Variants in PP2D1 observed in about 807,000 individuals in gnomAD.
PP2D1 encodes the protein protein phosphatase 2C like domain containing 1.
PP2D1 carries 25 observed loss-of-function variants against 30.2 expected under a neutral mutation model. The ratio of observed to expected loss-of-function variants is 0.83; its 90% confidence interval spans 0.60 to 1.16. PP2D1 has a LOEUF of 1.16. Among genes scored for constraint, PP2D1 ranks in the 50% most tolerant of loss-of-function variants. The pLI is 0.00. For missense variants in PP2D1, 760 were observed against 742.4 expected, an observed-to-expected ratio of 1.02 and a Z score of -0.28; for synonymous variants, 260 against 258.9, an observed-to-expected ratio of 1.00 and a Z score of -0.04.
intron 2 of PP2D1, among the ~76,000 whole-genome samples, chr3:19,989,256 C>T (rs1227139742): frequency 1.3e-5 from 2 of 152,218 alleles, no homozygotes; most frequent in South Asian, 2.1e-4. Flanking sequence ...TGTTTGAACC[C>T]GGGAGGCAGA....
At chr3:19,990,231 A>T (rs1425342607) in intron 2 of PP2D1, among the ~76,000 whole-genome samples, 1 of 151,660 alleles carries the variant, frequency 6.6e-6, no homozygotes, top group Non-Finnish European at 1.5e-5. Context: ...TGCAGCCTTG[A>T]CCTCCCTGGG....
chr3:20,000,216 A>G (rs1697234446), intron 2 of PP2D1, among the ~76,000 whole-genome samples: 1 of 152,104 alleles, frequency 6.6e-6, no homozygotes, highest in Non-Finnish European at 1.5e-5. Flanking sequence ...TTTAGCTTTA[A>G]TTTCTCATCT....
At chr3:19,989,663 CT>C (rs1459818679) in intron 2 of PP2D1, among the ~76,000 whole-genome samples, 2 of 152,122 alleles carry the variant, frequency 1.3e-5, no homozygotes, top group African/African-American at 4.8e-5. Flanking sequence ...AATGTGACAA[CT>C]GAGTAAATGG....
At chr3:19,986,211 T>A in intron 2 of PP2D1, 29 bp from the exon 3 acceptor site, 2 of 1,409,500 alleles carry the variant, frequency 1.4e-6, no homozygotes, top group Non-Finnish European at 1.9e-6. Flanking sequence ...AAAGAAGAAA[T>A]TTTTATCCTA....
Position 19,985,454 on chromosome 3 carries a change from G to T in PP2D1, c.1819C>A (p.Leu607Met). ...VSHELVNAALLAGSRDNITVM... is the reference protein window; with the variant it reads ...VSHELVNAALMAGSRDNITVM... ...GTAATGTTGTCTCTGGAGCCAGCCA[G>T]TAAAGCAGCATTTACAAGTTCATGG... Residue 607 changes from leucine (L) to methionine (M), a missense_variant, in exon 3 of 3, where the codon CTG becomes ATG. This residue lies in a region of PP2D1 where 369 missense variants were observed against 316.2 expected (regional missense o/e 1.17). Transcript: ENST00000389050. The T allele has an allele frequency of 6.5e-7, 1 of 1,536,092 alleles. No individual in the cohort carries two copies. The highest frequency in any genetic ancestry group is 8.7e-7 in the Non-Finnish European group (1 of 1,146,848).
At position 19,985,454 on chromosome 3, in the gene PP2D1, G is replaced by A; in HGVS notation, c.1819C>T (p.Leu607=). The change falls in exon 3 of 3, where the codon CTG becomes TTG. Residue 607 remains leucine (L), a synonymous_variant. Transcript: ENST00000389050. The stretch of plus-strand genomic sequence containing the variant: ...GTAATGTTGTCTCTGGAGCCAGCCA[G>A]TAAAGCAGCATTTACAAGTTCATGG... ...VSHELVNAAL[L]AGSRDNITVM... The A allele has an allele frequency of 6.5e-7, 1 of 1,536,092 alleles. No individual in the cohort carries two copies. Among genetic ancestry groups the A allele is most frequent in the East Asian group, 2.4e-5 (1 of 40,906 alleles).
In PP2D1 at chr3:20,012,041, A is replaced by C; in HGVS notation, c.23+9T>G. Reference sequence around the variant, plus strand: ...ACGTATTATCCAAAAAAGATTTAAGAAAGTTTACCTTAAAGCATTATTGGT... The same window carrying C: ...ACGTATTATCCAAAAAAGATTTAAGCAAGTTTACCTTAAAGCATTATTGGT... On this transcript the variant is annotated intron_variant, in intron 1 of 2. Coordinates refer to ENST00000389050, the MANE Select transcript of PP2D1 (RefSeq NM_001252657.2). 2 of 1,529,444 alleles carry C rather than the reference A, an allele frequency of 1.3e-6. No individual in the cohort carries two copies. Among genetic ancestry groups the C allele is most frequent in the Non-Finnish European group, 1.8e-6 (2 of 1,141,600 alleles). 94.7% of individuals were successfully genotyped at this position (1,529,444 alleles called of 1,614,324 possible).
rs1174683124 is a variant in PP2D1, at chr3:20,007,025, AC to A, written c.24-4930del. On this transcript the variant is annotated intron_variant, in intron 1 of 2. Coordinates refer to ENST00000389050, the MANE Select transcript of PP2D1 (RefSeq NM_001252657.2). ...CACACGTATACACACACACACACACACACACACGTATATATATTGTATTTTT... is the reference window on the plus strand; with the variant it reads ...CACACGTATACACACACACACACACAACACACGTATATATATTGTATTTTT... 2.6e-4 allele frequency among the ~76,000 whole-genome samples: 39 copies of A among 151,218 alleles called. 1 individual carries two copies. The South Asian group carries it at 7.1e-3, about 28-fold the overall frequency.
intron 1 of PP2D1, among the ~76,000 whole-genome samples, chr3:20,003,329 T>A (rs1697278632): frequency 6.6e-6 from 1 of 151,570 alleles, no homozygotes; most frequent in African/African-American, 2.4e-5. Context: ...GATGTGGAGA[T>A]GAAAGACAGT....
intron 2 of PP2D1, among the ~76,000 whole-genome samples, chr3:19,999,166 G>A (rs1174325200): frequency 5.7e-5 from 8 of 140,216 alleles, no homozygotes; most frequent in Admixed American, 4.4e-4. Context: ...TGCAACCTCC[G>A]CCTCCTGGGT....
At chr3:19,982,029 G>A (rs1696938445), downstream of PP2D1, among the ~76,000 whole-genome samples, 2 of 151,690 alleles carry the variant, frequency 1.3e-5, no homozygotes, top group African/African-American at 4.8e-5. Context: ...GATCTTCAAG[G>A]CCAGGAGTTC....
At chr3:19,980,175 C>G (rs913772673) in intron 3 of PP2D1, 1 of 152,192 alleles carries the variant, frequency 6.6e-6, no homozygotes, top group African/African-American at 2.4e-5. Context: ...AGAATCACAT[C>G]TGAAAAGTTA....
Position 19,985,788 on chromosome 3 carries a change from C to T in PP2D1, c.1485G>A (p.Leu495=), listed in dbSNP as rs1192278079. ...IPNKSPSKGP[L]LFSTSEPNLT... is the part of the protein sequence containing the mutation. ...GGTTTGGTTCACTGGTTGAAAAAAG[C>T]AGAGGCCCTTTGGATGGTGATTTGT... Residue 495 remains leucine, a synonymous_variant, in exon 3 of 3, where the codon CTG becomes CTA. Coordinates refer to ENST00000389050, the MANE Select transcript of PP2D1 (RefSeq NM_001252657.2). 6.5e-7 allele frequency: 1 copy of T among 1,535,930 alleles called. No homozygotes were observed. Among genetic ancestry groups the T allele is most frequent in the Non-Finnish European group, 8.7e-7 (1 of 1,146,876 alleles).
intron 1 of PP2D1, among the ~76,000 whole-genome samples, chr3:20,002,515 A>G (rs1189056614): frequency 6.6e-6 from 1 of 152,220 alleles, no homozygotes; most frequent in Non-Finnish European, 1.5e-5. Flanking sequence ...AAAAATTCCT[A>G]CTGCCTAGTG....
chr3:19,991,707 C>T (rs1290808547), intron 2 of PP2D1, among the ~76,000 whole-genome samples: 3 of 151,994 alleles, frequency 2.0e-5, no homozygotes, highest in African/African-American at 7.3e-5. Context: ...GCAGTGTTGT[C>T]AAAGTTATTG....
downstream of PP2D1, chr3:19,983,723 A>G: frequency 6.2e-7 from 1 of 1,609,960 alleles, no homozygotes. Flanking sequence ...AAATTGCCAA[A>G]GAATGAACCA....
chr3:20,012,164 G>A lies in PP2D1; in HGVS notation c.-92C>T. On this transcript the variant is annotated 5_prime_UTR_variant, in exon 1 of 3. Transcript: ENST00000389050. ...TTGAGTAGTGATGGTGATGGTGGAG[G>A]TAGAGGTGAATGTGATGGCTGTGGC... 2.8e-6 allele frequency: 3 copies of A among 1,071,274 alleles called. No individual in the cohort carries two copies. The highest frequency in any genetic ancestry group is 2.7e-6 in the Non-Finnish European group (2 of 738,398). 66.4% of individuals were successfully genotyped at this position (1,071,274 alleles called of 1,614,324 possible). A position where few individuals can be genotyped will look rare whatever the true frequency, so the allele number is the denominator to read the frequency against.
intron 1 of PP2D1, chr3:20,007,981 T>A: frequency 4.6e-6 from 1 of 217,626 alleles, no homozygotes; most frequent in African/African-American, 2.3e-5. Flanking sequence ...CCAGATCTTT[T>A]AATATCTGTA....
chr3:20,000,059 G>T (rs1207713181), intron 2 of PP2D1, among the ~76,000 whole-genome samples: 2 of 152,144 alleles, frequency 1.3e-5, no homozygotes, highest in African/African-American at 4.8e-5. Context: ...TTGCAACACT[G>T]TCTCTGCCAC....
Sources: gnomAD v4.1 joint callset for allele counts (sites outside exome capture counted in the v4.1 genomes callset) on GRCh38, gnomAD v4.1.1 for gene constraint, gnomAD v4.1.1 regional missense constraint, MANE v1.5 for transcripts, NCBI Gene and HGNC (gene_info 2026-07-23, HGNC 2026-07-21) for gene names.